PIH1D2: variants seen among roughly 807,000 people sequenced by gnomAD.
PIH1D2 encodes PIH1 domain containing 2.
Under a neutral mutation model 31.2 loss-of-function variants are expected in PIH1D2, and 25 were observed. That is an observed-to-expected ratio of 0.80 (90% CI 0.58 to 1.12). PIH1D2 has a LOEUF of 1.12. Ranked by LOEUF, PIH1D2 falls within the 50% of genes most tolerant of loss-of-function variation. The pLI is 0.00. For missense variants in PIH1D2, 310 were observed against 356.6 expected, an observed-to-expected ratio of 0.87 and a Z score of 1.05; for synonymous variants, 116 against 119.9, an observed-to-expected ratio of 0.97 and a Z score of 0.21.
rs1864988090 is a variant in PIH1D2 at position 112,067,872 on chromosome 11, C to T, written c.947G>A (p.Ter316=). ...CCCAAAACATATGATGCTCTTCTTTCACACCAAAGGCATTGTGATGATTAG... is the reference window on the plus strand; with the variant it reads ...CCCAAAACATATGATGCTCTTCTTTTACACCAAAGGCATTGTGATGATTAG... ...STLIITMPLV[*] is the part of the protein sequence containing the mutation. The change falls in exon 6 of 6, where the codon TGA becomes TAA. Residue 316 remains the stop codon, a stop_retained_variant. Transcript: ENST00000280350. 1 of 1,611,642 alleles carries T rather than the reference C, an allele frequency of 6.2e-7. No individual in the cohort carries two copies. Among genetic ancestry groups the T allele is most frequent in the Non-Finnish European group, 8.5e-7 (1 of 1,179,306 alleles).
At chr11:112,062,942 AAG>A (rs1437165943), downstream of PIH1D2, 1 of 169,524 alleles carries the variant, frequency 5.9e-6, no homozygotes, top group East Asian at 1.6e-4. Flanking sequence ...ATGTGAGAGA[AAG>A]AGAAATCAGA....
At chr11:112,062,291 G>A (rs1864681583), downstream of PIH1D2, 9 of 1,092,022 alleles carry the variant, frequency 8.2e-6, no homozygotes, top group Non-Finnish European at 1.4e-6. Flanking sequence ...TGGAAGAGTA[G>A]ATAGGAAGTA....
downstream of PIH1D2, among the ~76,000 whole-genome samples, chr11:112,061,899 A>G (rs1555183314): frequency 6.6e-6 from 1 of 152,176 alleles, no homozygotes. Context: ...TCAGTTTTAT[A>G]TATAGTTATT....
chr11:112,068,275 A>G (rs1864999571), intron 5 of PIH1D2, among the ~76,000 whole-genome samples: 1 of 152,204 alleles, frequency 6.6e-6, no homozygotes, highest in Non-Finnish European at 1.5e-5. Flanking sequence ...AACTTATTGG[A>G]GCCTGGAAAG....
downstream of PIH1D2, chr11:112,062,594 TTA>T (rs1864707088): frequency 1.3e-6 from 2 of 1,559,188 alleles, no homozygotes; most frequent in Admixed American, 1.7e-5. Context: ...AACAAGATAT[TTA>T]TATGTTATTA....
the PIH1D2 span, among the ~76,000 whole-genome samples, chr11:112,055,280 G>C: frequency 8.8e-6 from 1 of 113,858 alleles, no homozygotes; most frequent in Non-Finnish European, 1.6e-5. Flanking sequence ...GTCCTGCTCT[G>C]TCGCCCAGGC....
the PIH1D2 span, among the ~76,000 whole-genome samples, chr11:112,054,790 C>A: frequency 3.2e-4 from 49 of 152,176 alleles, 1 homozygote; most frequent in Admixed American, 1.4e-3. Flanking sequence ...AGGGGCAATG[C>A]GTTCCCTCCA....
chr11:112,064,136 T>A (rs1555183588), downstream of PIH1D2: 5 of 1,508,062 alleles, frequency 3.3e-6, no homozygotes, highest in Non-Finnish European at 4.5e-6. Flanking sequence ...CAAGGGACCA[T>A]CATCAATATG....
chr11:112,062,786 G>A (rs587638026), downstream of PIH1D2: 1 of 442,236 alleles, frequency 2.3e-6, no homozygotes, highest in East Asian at 4.8e-5. Context: ...CATGTATGTG[G>A]CCTTGCCTAG....
At chr11:112,055,135 C>T in the PIH1D2 span, among the ~76,000 whole-genome samples, 1 of 151,942 alleles carries the variant, frequency 6.6e-6, no homozygotes, top group Admixed American at 6.5e-5. Context: ...TTCCTGTTTT[C>T]AGCATTATTC....
Position 112,072,979 on chromosome 11 carries a change from T to C in PIH1D2, c.177+19A>G. 6.3e-7 allele frequency: 1 copy of C among 1,578,398 alleles called. No individual in the cohort carries two copies. The highest frequency in any genetic ancestry group is 1.1e-5 in the South Asian group (1 of 88,074). ...ATTTCATTCAAGACCTCCCCATCCC[T>C]GGCACCAACTCGACATACCAGAATC... On this transcript the variant is annotated intron_variant, in intron 2 of 5. Transcript: ENST00000280350.
rs377733392 is a variant in PIH1D2 at position 112,070,514 on chromosome 11, C to G, written c.735G>C (p.Glu245Asp). ...YELKIVHDHS[E>D]KPLKIELKVE... ...CTTTCAACTCAATTTTCAGAGGTTT[C>G]TCACTGTGATCATGCACAATTTTTA... Residue 245 changes from glutamate (E) to aspartate (D), a missense_variant, in exon 5 of 6, where the codon GAG becomes GAC. Physicochemically the swap from Glu to Asp is conservative, Grantham distance 45 (BLOSUM62 2). Coordinates refer to ENST00000280350, the MANE Select transcript of PIH1D2 (RefSeq NM_138789.4). 6.2e-7 allele frequency: 1 copy of G among 1,614,102 alleles called. No individual in the cohort carries two copies.
At chr11:112,072,889 CAAAA>C in intron 2 of PIH1D2, 105 bp downstream of exon 2, 19 of 885,508 alleles carry the variant, frequency 2.1e-5, no homozygotes, top group African/African-American at 1.5e-4. Flanking sequence ...CAAAACAAAA[CAAAA>C]AAAAAACAAA....
At chr11:112,070,890 GA>G in intron 4 of PIH1D2, 147 bp downstream of exon 4, 1 of 1,204,602 alleles carries the variant, frequency 8.3e-7, no homozygotes, top group Non-Finnish European at 1.1e-6. Flanking sequence ...AAAAATCAAG[GA>G]TATGATATTT....
chr11:112,059,892 T>C, downstream of PIH1D2: 1 of 1,574,806 alleles, frequency 6.3e-7, no homozygotes, highest in South Asian at 1.2e-5. Flanking sequence ...TTTATTTTTC[T>C]TTTTAAACAG....
chr11:112,072,976 C>T (rs781824462), intron 2 of PIH1D2, 22 bp downstream of exon 2: 1 of 1,575,802 alleles, frequency 6.3e-7, no homozygotes, highest in South Asian at 1.1e-5. Flanking sequence ...ACCTCCCCAT[C>T]CCTGGCACCA....
chr11:112,062,427 G>A, downstream of PIH1D2: 1 of 1,612,610 alleles, frequency 6.2e-7, no homozygotes, highest in Non-Finnish European at 8.5e-7. Context: ...CTAGCATGAT[G>A]TCTGTTACAC....
chr11:112,057,604 CAG>C, the PIH1D2 span, among the ~76,000 whole-genome samples: 1 of 152,204 alleles, frequency 6.6e-6, no homozygotes, highest in Non-Finnish European at 1.5e-5. Flanking sequence ...AAGCTTAATT[CAG>C]AGCAAGGCCC....
intron 1 of PIH1D2, 35 bp from the exon 2 acceptor site, chr11:112,073,240 C>T: frequency 7.2e-7 from 1 of 1,398,274 alleles, no homozygotes; most frequent in Non-Finnish European, 9.8e-7. Context: ...AGAAAACTGT[C>T]TGTGTAATTA....
Sources: gnomAD v4.1 joint callset for allele counts (sites outside exome capture counted in the v4.1 genomes callset) on GRCh38, gnomAD v4.1.1 for gene constraint, MANE v1.5 for transcripts, NCBI Gene and HGNC (gene_info 2026-07-23, HGNC 2026-07-21) for gene names.